Variants in DOCK8 observed in about 807,000 individuals in gnomAD.
The protein encoded by DOCK8 is dedicator of cytokinesis 8.
Under a neutral mutation model 245.6 loss-of-function variants are expected in DOCK8, and 141 were observed. That is an observed-to-expected ratio of 0.57 (90% confidence interval 0.50 to 0.66). DOCK8 has a LOEUF of 0.66. Ranked by LOEUF, DOCK8 falls within the 30% of genes least tolerant of loss-of-function variation. DOCK8 has a pLI of 0.00. For synonymous variants in DOCK8, 1,168 were observed against 970.2 expected (o/e 1.20, Z -3.79); for missense variants, 2,965 against 2,603.4 (o/e 1.14, Z -3.02).
chr9:400,333 AC>A (rs2054833020), intron 26 of DOCK8, among the ~76,000 whole-genome samples: 1 of 82,086 alleles, frequency 1.2e-5, no homozygotes, highest in Non-Finnish European at 2.4e-5. Flanking sequence ...CACCACCACC[AC>A]CTCCTCCACC....
At chr9:392,541 C>T (rs2054246931) in intron 24 of DOCK8, among the ~76,000 whole-genome samples, 1 of 152,210 alleles carries the variant, frequency 6.6e-6, no homozygotes. Context: ...TGTGCATTTA[C>T]CTGTCTTCTC....
Position 464,293 on chromosome 9 carries a change from G to A in DOCK8, c.*74G>A. 2 of 1,304,204 alleles carry A rather than the reference G, an allele frequency of 1.5e-6. No individual in the cohort carries two copies. The highest frequency in any genetic ancestry group is 2.2e-6 in the Non-Finnish European group (2 of 897,854). 80.8% of individuals were successfully genotyped at this position (1,304,204 alleles called of 1,614,324 possible). Reference sequence around the variant, plus strand: ...AGGACTTGCTGGTACTTAAAAAATGGGACATTTGCCACCCAGGACTGACTG... The same window carrying A: ...AGGACTTGCTGGTACTTAAAAAATGAGACATTTGCCACCCAGGACTGACTG... On this transcript the variant is annotated 3_prime_UTR_variant, in exon 48 of 48. Coordinates refer to ENST00000432829, the MANE Select transcript of DOCK8 (RefSeq NM_203447.4).
chr9:415,244 C>T (rs1460392511), intron 29 of DOCK8, among the ~76,000 whole-genome samples: 1 of 152,154 alleles, frequency 6.6e-6, no homozygotes, highest in Non-Finnish European at 1.5e-5. Context: ...CCATACACCA[C>T]AAAGGATGAA....
chr9:437,421 G>C (rs1233991184), intron 39 of DOCK8, among the ~76,000 whole-genome samples: 1 of 152,206 alleles, frequency 6.6e-6, no homozygotes, highest in East Asian at 1.9e-4. Context: ...TACTGATCCT[G>C]TCTGAACATC....
intron 1 of DOCK8, among the ~76,000 whole-genome samples, chr9:243,924 C>T (rs968276990): frequency 3.9e-5 from 6 of 152,066 alleles, no homozygotes; most frequent in African/African-American, 7.2e-5. Context: ...GTGGCTCATG[C>T]CTGTAATCCC....
chr9:306,844 G>C (rs1277628764), intron 5 of DOCK8, among the ~76,000 whole-genome samples: 1 of 152,186 alleles, frequency 6.6e-6, no homozygotes, highest in Admixed American at 6.5e-5. Flanking sequence ...TAGAAGCTCA[G>C]AAGAGGAGCC....
chr9:262,726 C>T (rs77745461), intron 1 of DOCK8, among the ~76,000 whole-genome samples: 8,695 of 152,094 alleles, frequency 0.057, 268 homozygotes, highest in South Asian at 0.068. Flanking sequence ...TAGTAATGGT[C>T]TCATGGGTCT....
intron 41 of DOCK8, 125 bp downstream of exon 41, chr9:441,542 C>A: frequency 6.9e-7 from 1 of 1,440,530 alleles, no homozygotes; most frequent in Non-Finnish European, 9.5e-7. Context: ...TTGCTCTCAC[C>A]TGTCAAACAG....
rs1376051485 is a variant in DOCK8, at chr9:248,461, CCTT to C, written c.54-23164_54-23162del. On this transcript the variant is annotated intron_variant, in intron 1 of 47. Transcript: ENST00000432829. ...CTGTCTTTCCCCTCCTTCCTTCCTTCCTTCCTCCCTCCCTCCTCTCTCCTCTCT... is the reference window on the plus strand; with the variant it reads ...CTGTCTTTCCCCTCCTTCCTTCCTTCCCTCCCTCCCTCCTCTCTCCTCTCT... Among the ~76,000 whole-genome samples, 879 of 151,810 alleles carry C rather than the reference CCTT, an allele frequency of 5.8e-3. 5 individuals are homozygous for C. Among genetic ancestry groups the C allele is most frequent in the African/African-American group, 0.02 (846 of 41,318 alleles).
intron 19 of DOCK8, 29 bp downstream of exon 19, chr9:376,334 G>T: frequency 6.7e-7 from 1 of 1,498,498 alleles, no homozygotes; most frequent in Non-Finnish European, 9.3e-7. Flanking sequence ...AATCATGAAG[G>T]TAAAGGTGCA....
At chr9:331,509 T>C (rs1294451308) in intron 9 of DOCK8, among the ~76,000 whole-genome samples, 1 of 152,246 alleles carries the variant, frequency 6.6e-6, no homozygotes, top group Non-Finnish European at 1.5e-5. Context: ...CTATTAAGTA[T>C]GTGTCCCTTT....
intron 14 of DOCK8, among the ~76,000 whole-genome samples, chr9:343,916 C>G (rs533348940): frequency 3.3e-5 from 5 of 152,200 alleles, no homozygotes; most frequent in South Asian, 2.1e-4. Flanking sequence ...GTTCTCTACT[C>G]GTTCCTGCAA....
intron 20 of DOCK8, 101 bp from the exon 21 acceptor site, chr9:379,670 G>T: frequency 7.5e-7 from 1 of 1,336,376 alleles, no homozygotes. Context: ...AGTTAAATTG[G>T]TCAGCGGTCA....
intron 1 of DOCK8, among the ~76,000 whole-genome samples, chr9:232,950 G>A (rs1318950562): frequency 6.6e-6 from 1 of 152,092 alleles, no homozygotes; most frequent in Non-Finnish European, 1.5e-5. Context: ...TTTTGAATGT[G>A]TTTGCTCTTG....
chr9:386,018 C>A (rs2053935251), intron 22 of DOCK8, among the ~76,000 whole-genome samples: 1 of 152,142 alleles, frequency 6.6e-6, no homozygotes, highest in Non-Finnish European at 1.5e-5. Context: ...TGTTCCCACA[C>A]ATTTTTTCCT....
In DOCK8 at chr9:463,588, A is replaced by T; in HGVS notation, c.6140A>T (p.Lys2047Ile). ...CAGAGGGAATATCAGCAGGAACTCA[A>T]AAAGAACTATAACAAGCTAAAAGAG... Reference protein sequence around the residue: ...ADQREYQQELKKNYNKLKENL... With the variant: ...ADQREYQQELIKNYNKLKENL... Residue 2047 changes from lysine (K) to isoleucine (I), a missense_variant, in exon 47 of 48, where the codon AAA becomes ATA. This residue lies in a region of DOCK8 where 134 missense variants were observed against 128.1 expected (regional missense o/e 1.05). Coordinates refer to ENST00000432829, the MANE Select transcript of DOCK8 (RefSeq NM_203447.4). 6.2e-7 allele frequency: 1 copy of T among 1,614,216 alleles called. No homozygotes were observed. Among genetic ancestry groups the T allele is most frequent in the Non-Finnish European group, 8.5e-7 (1 of 1,180,046 alleles).
rs1263523110 is a variant in DOCK8, at chr9:386,413, C to G, written c.2861C>G (p.Pro954Arg). The part of the protein sequence containing the change: ...DAPSSPAAPR[P>R]ASKKHFHEEL... ...CCAAGTTCACCTGCAGCCCCAAGGC[C>G]AGCCAGCAAAAAGGTACTGAAGAGA... is the stretch of plus-strand genomic sequence containing the variant. The change falls in exon 23 of 48, where the codon CCA (proline) becomes CGA (arginine). Residue 954 changes from proline (P) to arginine (R), a missense_variant. By Grantham distance (103) the Pro-to-Arg change is moderately radical. This residue lies in a region of DOCK8 where 2,825 missense variants were observed against 2,453.5 expected (regional missense o/e 1.15). Transcript: ENST00000432829. 6.2e-7 allele frequency: 1 copy of G among 1,613,538 alleles called. No individual in the cohort carries two copies. The highest frequency in any genetic ancestry group is 8.5e-7 in the Non-Finnish European group (1 of 1,179,680).
intron 23 of DOCK8, 149 bp from the exon 24 acceptor site, chr9:390,322 A>G (rs1163472409): frequency 6.7e-6 from 5 of 741,714 alleles, no homozygotes; most frequent in Middle Eastern, 3.7e-4. Context: ...TGACTTTGCC[A>G]TCCACCACTT....
intron 11 of DOCK8, among the ~76,000 whole-genome samples, chr9:335,564 C>T (rs1357702131): frequency 1.3e-5 from 2 of 152,102 alleles, no homozygotes; most frequent in South Asian, 4.1e-4. Flanking sequence ...CTCACTTTAC[C>T]ACATCCTGAT....
Sources: gnomAD v4.1 joint callset for allele counts (sites outside exome capture counted in the v4.1 genomes callset) on GRCh38, gnomAD v4.1.1 for gene constraint, gnomAD v4.1.1 regional missense constraint, MANE v1.5 for transcripts, NCBI Gene and HGNC (gene_info 2026-07-23, HGNC 2026-07-21) for gene names.